The following GRIA4 variants were observed in gnomAD, a reference collection of about 807,000 sequenced individuals.
GRIA4 encodes glutamate receptor 4.
A neutral mutation model predicts 104.0 loss-of-function variants in GRIA4; 34 were observed. That is an observed-to-expected ratio of 0.33 (90% confidence interval 0.25 to 0.44). The LOEUF is 0.44. Ranked by LOEUF, GRIA4 falls within the 20% of genes least tolerant of loss-of-function variation. The pLI is 1.00. For synonymous variants in GRIA4, 386 were observed against 381.9 expected (o/e 1.01, Z -0.13); for missense variants, 750 against 1,096.5 (o/e 0.68, Z 4.46).
intron 3 of GRIA4, among the ~76,000 whole-genome samples, chr11:105,641,690 C>T (rs115497546): frequency 1.7e-3 from 254 of 152,186 alleles, no homozygotes; most frequent in African/African-American, 5.6e-3. Context: ...AAATTAGATA[C>T]CTTCCCATCC....
At chr11:105,718,195 T>C (rs1237810970) in intron 3 of GRIA4, among the ~76,000 whole-genome samples, 3 of 152,290 alleles carry the variant, frequency 2.0e-5, no homozygotes, top group South Asian at 4.1e-4. Context: ...GAACAACCTA[T>C]GAAGCCAATG....
chr11:105,706,043 T>C, intron 3 of GRIA4, among the ~76,000 whole-genome samples: 1 of 152,174 alleles, frequency 6.6e-6, no homozygotes, highest in East Asian at 1.9e-4. Context: ...ATCCACACAG[T>C]GCAGTACTAA....
intron 3 of GRIA4, among the ~76,000 whole-genome samples, chr11:105,624,929 A>C (rs1289088240): frequency 6.6e-6 from 1 of 152,130 alleles, no homozygotes; most frequent in Non-Finnish European, 1.5e-5. Context: ...ATATGCATAC[A>C]AGTATTACAT....
intron 11 of GRIA4, among the ~76,000 whole-genome samples, chr11:105,923,842 G>A (rs367551483): frequency 2.5e-4 from 38 of 152,216 alleles, no homozygotes; most frequent in East Asian, 1.2e-3. Context: ...GGAAAATATC[G>A]TCAAACAACG....
chr11:105,684,331 T>C (rs547098642), intron 3 of GRIA4, among the ~76,000 whole-genome samples: 1 of 152,140 alleles, frequency 6.6e-6, no homozygotes, highest in East Asian at 1.9e-4. Context: ...AACACGATTT[T>C]TTCATGGTTC....
intron 6 of GRIA4, among the ~76,000 whole-genome samples, chr11:105,888,271 CTTTT>C (rs71469040): frequency 1.3e-3 from 73 of 54,558 alleles, no homozygotes; most frequent in South Asian, 2.1e-3. Context: ...ATGTTTTCTC[CTTTT>C]TTTTTTTTTT....
chr11:105,754,298 T>A (rs1940179390), intron 4 of GRIA4, among the ~76,000 whole-genome samples: 1 of 152,122 alleles, frequency 6.6e-6, no homozygotes, highest in South Asian at 2.1e-4. Context: ...TTTAAAAAAT[T>A]TCTGTGGTAT....
chr11:105,827,600 G>A (rs1240793365), intron 4 of GRIA4, among the ~76,000 whole-genome samples: 1 of 151,840 alleles, frequency 6.6e-6, no homozygotes, highest in Non-Finnish European at 1.5e-5. Flanking sequence ...ATTCATAAAA[G>A]GAAAAGATAA....
chr11:105,852,054 T>A (rs1034122008), intron 4 of GRIA4, among the ~76,000 whole-genome samples: 2 of 152,184 alleles, frequency 1.3e-5, no homozygotes, highest in African/African-American at 4.8e-5. Flanking sequence ...TCATGAAATG[T>A]CTTAAATGTA....
intron 3 of GRIA4, among the ~76,000 whole-genome samples, chr11:105,731,792 C>A (rs971173683): frequency 6.6e-6 from 1 of 152,002 alleles, no homozygotes; most frequent in Non-Finnish European, 1.5e-5. Flanking sequence ...AAACCAAACC[C>A]CGCATGTTCT....
chr11:105,684,867 C>A (rs1952824541), intron 3 of GRIA4, among the ~76,000 whole-genome samples: 1 of 151,534 alleles, frequency 6.6e-6, no homozygotes, highest in African/African-American at 2.4e-5. Context: ...TAAAAATTAT[C>A]CTGCCTTACT....
intron 4 of GRIA4, among the ~76,000 whole-genome samples, chr11:105,842,228 C>A (rs2509477): frequency 0.023 from 3,538 of 152,110 alleles, 152 homozygotes; most frequent in African/African-American, 0.079. Context: ...CAAGGACAGG[C>A]GAAGGGTGTC....
At chr11:105,823,568 T>G (rs953944240) in intron 4 of GRIA4, among the ~76,000 whole-genome samples, 1 of 152,060 alleles carries the variant, frequency 6.6e-6, no homozygotes, top group Non-Finnish European at 1.5e-5. Flanking sequence ...CCCAAGATAT[T>G]GTGGTTACTG....
chr11:105,734,241 G>C (rs1020812912), intron 3 of GRIA4, among the ~76,000 whole-genome samples: 2 of 151,752 alleles, frequency 1.3e-5, no homozygotes, highest in African/African-American at 2.4e-5. Context: ...TTGGTAAATG[G>C]TAAACACAAC....
intron 14 of GRIA4, among the ~76,000 whole-genome samples, chr11:105,967,272 A>C (rs527331137): frequency 6.6e-6 from 1 of 152,284 alleles, no homozygotes; most frequent in South Asian, 2.1e-4. Context: ...TTTAGCGTGC[A>C]TTAAAGATGT....
At chr11:105,620,367 CA>C (rs1156828779) in intron 3 of GRIA4, among the ~76,000 whole-genome samples, 5 of 151,848 alleles carry the variant, frequency 3.3e-5, no homozygotes, top group South Asian at 4.1e-4. Context: ...TGAAGATTTG[CA>C]TAGCTTAGAA....
At chr11:105,661,696 A>AGG (rs3059465) in intron 3 of GRIA4, among the ~76,000 whole-genome samples, 11 of 294 alleles carry the variant, frequency 0.037, no homozygotes, top group Non-Finnish European at 0.28. Flanking sequence ...AGAGAGAAAA[A>AGG]GAAGAGGAAT....
At chr11:105,913,326 C>T (rs1479633308) in intron 10 of GRIA4, 1 of 616,242 alleles carries the variant, frequency 1.6e-6, no homozygotes. Flanking sequence ...TTTCTTGTAA[C>T]AGTGTTGTAT....
Position 105,874,233 on chromosome 11 carries a change from A to G in GRIA4, c.672+12025A>G, listed in dbSNP as rs182615867. ...TCAAAGATCAGATGGTTGTAGATGT[A>G]TGGTGTTATTTCTGAGGACTCTGTT... On this transcript the variant is annotated intron_variant, in intron 5 of 16. Coordinates refer to ENST00000282499, the MANE Select transcript of GRIA4 (RefSeq NM_000829.4). 3.4e-3 allele frequency among the ~76,000 whole-genome samples: 519 copies of G among 151,928 alleles called. 1 individual carries two copies. The highest frequency in any genetic ancestry group is 6.3e-3 in the Non-Finnish European group (430 of 67,866).
Sources: gnomAD v4.1 joint callset for allele counts (sites outside exome capture counted in the v4.1 genomes callset) on GRCh38, gnomAD v4.1.1 for gene constraint, MANE v1.5 for transcripts, NCBI Gene and HGNC (gene_info 2026-07-23, HGNC 2026-07-21) for gene names.